The following SRGAP2C variants were observed in gnomAD, a reference collection of about 807,000 sequenced individuals.
The protein encoded by SRGAP2C is SLIT-ROBO Rho GTPase activating protein 2C, also known as SLIT-ROBO Rho GTPase-activating protein 2C.
Under a neutral mutation model 25.1 loss-of-function variants are expected in SRGAP2C, and 15 were observed. The observed-to-expected ratio is 0.60, with a 90% confidence interval of 0.40 to 0.92. SRGAP2C has a LOEUF of 0.92. SRGAP2C is among the 40% of genes least tolerant of loss of function. The pLI, the probability that SRGAP2C is intolerant of heterozygous loss-of-function variation, is 0.00. For synonymous variants in SRGAP2C, 44 were observed against 96.6 expected (o/e 0.46, Z 3.19); for missense variants, 144 against 264.4 (o/e 0.54, Z 3.16).
At chr1:121,346,999 G>A (rs1553344092) in intron 4 of SRGAP2C, among the ~76,000 whole-genome samples, 1 of 151,982 alleles carries the variant, frequency 6.6e-6, no homozygotes, top group African/African-American at 2.4e-5. Flanking sequence ...ACTCAGGGCC[G>A]GGGTAGGGGT....
chr1:121,289,457 A>C (rs1422414410), intron 3 of SRGAP2C, among the ~76,000 whole-genome samples: 1 of 150,366 alleles, frequency 6.7e-6, no homozygotes, highest in East Asian at 2.0e-4. Flanking sequence ...CAAGCGCCGC[A>C]CGCAGCCCCG....
At chr1:121,345,649 C>CTTTTTTTT (rs782110661) in intron 4 of SRGAP2C, among the ~76,000 whole-genome samples, 1 of 95,758 alleles carries the variant, frequency 1.0e-5, no homozygotes, top group African/African-American at 4.2e-5. Flanking sequence ...GGTTGCTCTT[C>CTTTTTTTT]TTTTTTTTTT....
chr1:121,197,043 G>C (rs1553320696), intron 2 of SRGAP2C, among the ~76,000 whole-genome samples: 1 of 145,686 alleles, frequency 6.9e-6, no homozygotes, highest in African/African-American at 2.5e-5. Context: ...CAGCTGAACT[G>C]CCTCTAGTTT....
intron 3 of SRGAP2C, among the ~76,000 whole-genome samples, chr1:121,289,104 G>A (rs1657438044): frequency 1.4e-5 from 2 of 144,216 alleles, no homozygotes; most frequent in Admixed American, 6.9e-5. Flanking sequence ...CTGTGCGCTC[G>A]CATTCCTCAG....
intron 3 of SRGAP2C, among the ~76,000 whole-genome samples, chr1:121,293,610 T>A (rs1283745955): frequency 6.6e-6 from 1 of 152,144 alleles, no homozygotes; most frequent in Admixed American, 6.5e-5. Context: ...AAAGTGCTCT[T>A]GGTTTCCTGG....
intron 3 of SRGAP2C, among the ~76,000 whole-genome samples, chr1:121,285,404 T>TCTCACA (rs1553336851): frequency 8.0e-6 from 1 of 124,550 alleles, no homozygotes; most frequent in African/African-American, 2.9e-5. Context: ...TCTCTCTCTC[T>TCTCACA]CACACACACA....
intron 2 of SRGAP2C, among the ~76,000 whole-genome samples, chr1:121,279,374 A>C (rs1657191112): frequency 7.1e-6 from 1 of 141,270 alleles, no homozygotes; most frequent in African/African-American, 2.7e-5. Context: ...CCACTCCCTC[A>C]CCCCCTGTAC....
chr1:121,300,111 C>T (rs1311435009), intron 3 of SRGAP2C, among the ~76,000 whole-genome samples: 2 of 141,666 alleles, frequency 1.4e-5, no homozygotes, highest in South Asian at 2.3e-4. Context: ...AAATGTGTGT[C>T]CTTTCTTACC....
At chr1:121,226,012 A>G (rs1356470576) in intron 2 of SRGAP2C, among the ~76,000 whole-genome samples, 2 of 151,868 alleles carry the variant, frequency 1.3e-5, no homozygotes, top group African/African-American at 4.8e-5. Flanking sequence ...GCAAAACAGC[A>G]TATCTTTAAT....
intron 6 of SRGAP2C, among the ~76,000 whole-genome samples, chr1:121,374,399 T>C (rs1659582347): frequency 6.6e-6 from 1 of 151,958 alleles, no homozygotes; most frequent in Non-Finnish European, 1.5e-5. Flanking sequence ...TTCTAGCCTC[T>C]AGCAGAAAAC....
chr1:121,314,711 G>T (rs1339178829), intron 3 of SRGAP2C, among the ~76,000 whole-genome samples: 3 of 151,088 alleles, frequency 2.0e-5, no homozygotes, highest in East Asian at 4.0e-4. Context: ...TGCCCCTGCT[G>T]GGGGGTGCCT....
At chr1:121,220,108 C>CT (rs1655485864) in intron 2 of SRGAP2C, among the ~76,000 whole-genome samples, 1 of 112,992 alleles carries the variant, frequency 8.9e-6, no homozygotes, top group African/African-American at 3.5e-5. Context: ...CTGACACTTA[C>CT]TTTTGGCTTT....
At chr1:121,335,367 TAAATA>T (rs1214468589) in intron 4 of SRGAP2C, among the ~76,000 whole-genome samples, 1 of 140,348 alleles carries the variant, frequency 7.1e-6, no homozygotes, top group East Asian at 2.1e-4. Flanking sequence ...AATAAATAAA[TAAATA>T]AATAAATAAA....
At chr1:121,196,946 T>C (rs1654842690) in intron 2 of SRGAP2C, among the ~76,000 whole-genome samples, 1 of 151,672 alleles carries the variant, frequency 6.6e-6, no homozygotes, top group Non-Finnish European at 1.5e-5. Flanking sequence ...TTTTAAAAAC[T>C]CATTTTTTTT....
At position 121,354,413 on chromosome 1, in the gene SRGAP2C, T is replaced by G. The variant is rs1336002565; in HGVS notation, c.424-10880T>G. 1.8e-4 allele frequency among the ~76,000 whole-genome samples: 15 copies of G among 84,274 alleles called. 4 individuals carry two copies. In the East Asian group the frequency reaches 6.1e-3, roughly 35 times the overall value. 55.3% of individuals were successfully genotyped at this position (84,274 alleles called of 152,430 possible). A position where few individuals can be genotyped will look rare whatever the true frequency, so the allele number is the denominator to read the frequency against. Reference sequence around the variant, plus strand: ...TTTTTTTTCTTTTTTTTTTTTTTTTTTTTTTTCTGAGTCTTGCTCTGTCAC... The same window carrying G: ...TTTTTTTTCTTTTTTTTTTTTTTTTGTTTTTTCTGAGTCTTGCTCTGTCAC... On this transcript the variant is annotated intron_variant, in intron 4 of 9. Coordinates refer to ENST00000367123, the MANE Select transcript of SRGAP2C (RefSeq NM_001329984.2).
rs1258035516 is a variant in SRGAP2C at position 121,296,200 on chromosome 1, G to A, written c.260+11205G>A. On this transcript the variant is annotated intron_variant, in intron 3 of 9. Transcript: ENST00000367123. ...TAAAATTTCTAGTAGTTGACAAAAT[G>A]AATGGCTGTATGCAGGGCTAAAGAG... is the stretch of plus-strand genomic sequence containing the variant. 2.0e-5 allele frequency among the ~76,000 whole-genome samples: 3 copies of A among 151,964 alleles called. No homozygotes were observed. In the East Asian group the frequency reaches 5.8e-4, roughly 30 times the overall value.
At chr1:121,243,820 G>T (rs2101498349) in intron 2 of SRGAP2C, among the ~76,000 whole-genome samples, 5 of 104,310 alleles carry the variant, frequency 4.8e-5, no homozygotes, top group Middle Eastern at 0.01. Context: ...TGAGATAATA[G>T]AAATAAAGTT....
intron 3 of SRGAP2C, among the ~76,000 whole-genome samples, chr1:121,286,044 C>T (rs1182054767): frequency 5.3e-5 from 8 of 152,124 alleles, no homozygotes; most frequent in African/African-American, 1.9e-4. Context: ...TACAAATTTC[C>T]GTTGGGTTGC....
intron 2 of SRGAP2C, among the ~76,000 whole-genome samples, chr1:121,225,942 T>G (rs1655655338): frequency 4.7e-5 from 7 of 147,646 alleles, no homozygotes; most frequent in Admixed American, 2.7e-4. Flanking sequence ...TGACCTCAGG[T>G]GATCCAACTG....
Sources: allele counts gnomAD v4.1 joint callset (sites outside exome capture counted in the v4.1 genomes callset), GRCh38; gene constraint gnomAD v4.1.1; transcripts MANE v1.5; gene names NCBI Gene and HGNC (gene_info 2026-07-23, HGNC 2026-07-21).